DISC1: variants seen among roughly 807,000 people sequenced by gnomAD.
DISC1 encodes disrupted in schizophrenia 1 protein.
Under a neutral mutation model 84.5 loss-of-function variants are expected in DISC1, and 57 were observed. The ratio of observed to expected loss-of-function variants is 0.67; its 90% CI spans 0.55 to 0.84. The LOEUF (loss-of-function observed/expected upper bound fraction) is 0.84. DISC1 is among the 40% of genes least tolerant of loss of function. The probability of loss-of-function intolerance (pLI) is 0.00; values close to 1 mark genes in which losing one functional copy is unlikely to be tolerated. For missense variants in DISC1, 1,000 were observed against 1,057.8 expected (o/e 0.95, Z 0.76); for synonymous variants, 411 against 415.2 (o/e 0.99, Z 0.12).
At chr1:231,953,607 A>G (rs1253269663) in intron 9 of DISC1, among the ~76,000 whole-genome samples, 1 of 152,224 alleles carries the variant, frequency 6.6e-6, no homozygotes, top group African/African-American at 2.4e-5. Flanking sequence ...TTCCTTCTGA[A>G]AGATTTTACT....
intron 8 of DISC1, among the ~76,000 whole-genome samples, chr1:231,812,230 AT>A (rs1416324132): frequency 6.6e-6 from 1 of 151,778 alleles, no homozygotes; most frequent in Non-Finnish European, 1.5e-5. Context: ...TAATTTTTTA[AT>A]TTTTTTGTAG....
intron 8 of DISC1, chr1:231,815,313 A>G (rs1188360023): frequency 6.6e-6 from 1 of 152,232 alleles, no homozygotes; most frequent in Non-Finnish European, 1.5e-5. Context: ...TCACTCAAGA[A>G]ACAACACCCT....
At chr1:231,917,596 G>C (rs566699175) in intron 9 of DISC1, among the ~76,000 whole-genome samples, 2 of 152,292 alleles carry the variant, frequency 1.3e-5, no homozygotes, top group Non-Finnish European at 2.9e-5. Flanking sequence ...GTGAGCGCCA[G>C]GACTGACAGT....
At chr1:231,651,368 C>T (rs573906348) in intron 1 of DISC1, among the ~76,000 whole-genome samples, 2 of 152,308 alleles carry the variant, frequency 1.3e-5, no homozygotes, top group East Asian at 3.9e-4. Flanking sequence ...CCACTCCAGA[C>T]CCTGTTTGCC....
chr1:232,027,481 G>A (rs1211278934), intron 12 of DISC1, among the ~76,000 whole-genome samples: 2 of 152,110 alleles, frequency 1.3e-5, no homozygotes, highest in African/African-American at 4.8e-5. Flanking sequence ...GAACATACTG[G>A]CTTAGGTATG....
chr1:231,753,678 A>G (rs1056875956), intron 4 of DISC1, among the ~76,000 whole-genome samples: 1 of 152,074 alleles, frequency 6.6e-6, no homozygotes, highest in Non-Finnish European at 1.5e-5. Flanking sequence ...TCCCTCGAAA[A>G]TGGTCTTTTC....
intron 3 of DISC1, among the ~76,000 whole-genome samples, chr1:231,703,252 A>G (rs973350811): frequency 1.3e-5 from 2 of 152,184 alleles, no homozygotes; most frequent in East Asian, 3.9e-4. Context: ...TCCTCCTTCT[A>G]CAGGCCACTT....
chr1:231,691,282 T>C (rs1418828355), intron 1 of DISC1, among the ~76,000 whole-genome samples: 3 of 151,868 alleles, frequency 2.0e-5, no homozygotes, highest in Non-Finnish European at 4.4e-5. Context: ...AATACAAAAA[T>C]TAGCTGGGCG....
intron 3 of DISC1, chr1:231,702,522 G>A: frequency 2.0e-6 from 2 of 985,724 alleles, no homozygotes; most frequent in Non-Finnish European, 2.4e-6. Context: ...ATGTCAGACT[G>A]TGCCAAAGGG....
chr1:231,957,883 C>T (rs1044681354), intron 9 of DISC1, among the ~76,000 whole-genome samples: 3 of 152,218 alleles, frequency 2.0e-5, no homozygotes, highest in African/African-American at 4.8e-5. Context: ...ACTCCAGTAG[C>T]ATGAATCTGG....
intron 1 of DISC1, among the ~76,000 whole-genome samples, chr1:231,672,117 G>A (rs1469110552): frequency 1.3e-5 from 2 of 152,136 alleles, no homozygotes; most frequent in African/African-American, 4.8e-5. Context: ...ATATATAACT[G>A]GCTGGCTAGT....
At chr1:231,803,378 C>T (rs971571257) in intron 8 of DISC1, among the ~76,000 whole-genome samples, 1 of 152,128 alleles carries the variant, frequency 6.6e-6, no homozygotes, top group Non-Finnish European at 1.5e-5. Context: ...AACAACAAAC[C>T]TTTATCTCTC....
intron 3 of DISC1, among the ~76,000 whole-genome samples, chr1:231,729,192 T>C (rs1573316822): frequency 6.6e-6 from 1 of 152,254 alleles, no homozygotes; most frequent in Non-Finnish European, 1.5e-5. Context: ...TATGGCTGCG[T>C]AGTATTCCAT....
chr1:231,999,877 G>T (rs1445388366), intron 10 of DISC1, among the ~76,000 whole-genome samples: 1 of 151,924 alleles, frequency 6.6e-6, no homozygotes, highest in Admixed American at 6.6e-5. Flanking sequence ...AAAACTCGAA[G>T]GCAAACAAAT....
chr1:231,762,149 CTTTCTT>C (rs2075729990), intron 4 of DISC1, among the ~76,000 whole-genome samples: 1 of 119,584 alleles, frequency 8.4e-6, no homozygotes, highest in South Asian at 2.8e-4. Context: ...TTCTTTCCTT[CTTTCTT>C]TTTCTTTCTT....
intron 10 of DISC1, among the ~76,000 whole-genome samples, chr1:232,008,090 C>A (rs947120130): frequency 1.3e-5 from 2 of 152,180 alleles, no homozygotes; most frequent in Non-Finnish European, 2.9e-5. Context: ...GTCAATTAAA[C>A]CTCTTTCCTT....
intron 9 of DISC1, chr1:231,945,047 T>G (rs745586059): frequency 6.6e-6 from 1 of 152,122 alleles, no homozygotes; most frequent in Non-Finnish European, 1.5e-5. Flanking sequence ...GACAGAAAAT[T>G]AACAAGGATA....
chr1:231,841,328 C>T (rs1282927649), intron 9 of DISC1, among the ~76,000 whole-genome samples: 1 of 152,208 alleles, frequency 6.6e-6, no homozygotes, highest in African/African-American at 2.4e-5. Flanking sequence ...TGGCCCAAAC[C>T]TACATACCTT....
Position 232,031,385 on chromosome 1 carries a change from A to G in DISC1, c.2425+4833A>G, listed in dbSNP as rs1471084307. ...GGAAGGGAGAGGGAAAGGAGAAGGG[A>G]AAGGAAGAGAAGGGAAGAAGGGAAG... is the stretch of plus-strand genomic sequence containing the variant. On this transcript the variant is annotated intron_variant, in intron 12 of 12. Transcript: ENST00000439617. This position sits in a 1 kb window ranked among gnomAD's most constrained non-coding sequence, Gnocchi z 4.6. 6.6e-6 allele frequency among the ~76,000 whole-genome samples: 1 copy of G among 150,768 alleles called. No individual in the cohort carries two copies. Among genetic ancestry groups the G allele is most frequent in the Non-Finnish European group, 1.5e-5 (1 of 67,600 alleles).
Sources: allele counts gnomAD v4.1 joint callset (sites outside exome capture counted in the v4.1 genomes callset), GRCh38; gene constraint gnomAD v4.1.1; non-coding constraint Gnocchi (gnomAD v3.1); transcripts MANE v1.5; gene names NCBI Gene and HGNC (gene_info 2026-07-23, HGNC 2026-07-21).